GALNT13: variants seen among roughly 807,000 people sequenced by gnomAD.
GALNT13 encodes polypeptide N-acetylgalactosaminyltransferase 13, also known as UDP-GalNAc:polypeptide N-acetylgalactosaminyltransferase 13.
Under a neutral mutation model 64.2 loss-of-function variants are expected in GALNT13, and 28 were observed. That is an observed-to-expected ratio of 0.44 (90% confidence interval 0.32 to 0.60). The LOEUF is 0.60. Among genes scored for constraint, GALNT13 ranks in the 20% least tolerant of loss-of-function variants. The pLI, the probability that GALNT13 is intolerant of heterozygous loss-of-function variation, is 0.05. For synonymous variants in GALNT13, 214 were observed against 224.6 expected (o/e 0.95, Z 0.42); for missense variants, 577 against 669.8 (o/e 0.86, Z 1.53).
chr2:153,339,557 G>A, the GALNT13 span, among the ~76,000 whole-genome samples: 7 of 152,140 alleles, frequency 4.6e-5, no homozygotes, highest in African/African-American at 7.2e-5. Flanking sequence ...CTCCTATTCT[G>A]TAAGTTGTCT....
At chr2:154,126,035 A>C (rs1191016150) in intron 3 of GALNT13, among the ~76,000 whole-genome samples, 1 of 152,198 alleles carries the variant, frequency 6.6e-6, no homozygotes, top group African/African-American at 2.4e-5. Context: ...GTCTGTTAAT[A>C]GCCAAAACAA....
the GALNT13 span, among the ~76,000 whole-genome samples, chr2:153,347,053 C>T: frequency 4.6e-5 from 7 of 152,186 alleles, no homozygotes; most frequent in Admixed American, 2.6e-4. Context: ...GTTGTCATAG[C>T]GGTTTTATTT....
chr2:154,417,516 TATTTA>T (rs1700070494), intron 11 of GALNT13, among the ~76,000 whole-genome samples: 1 of 145,870 alleles, frequency 6.9e-6, no homozygotes. Context: ...TTTATTTATT[TATTTA>T]TTTTTTTGAG....
chr2:154,272,892 T>TA (rs528696030), intron 8 of GALNT13, among the ~76,000 whole-genome samples: 29 of 152,230 alleles, frequency 1.9e-4, no homozygotes, highest in Admixed American at 3.9e-4. Flanking sequence ...AAATAACTTG[T>TA]AAAAAAATAG....
chr2:153,392,364 T>C, the GALNT13 span, among the ~76,000 whole-genome samples: 2 of 151,860 alleles, frequency 1.3e-5, no homozygotes, highest in Admixed American at 1.3e-4. Context: ...AAACAAGTCA[T>C]AGATGCCTTA....
At chr2:153,328,648 C>A in the GALNT13 span, among the ~76,000 whole-genome samples, 1 of 152,078 alleles carries the variant, frequency 6.6e-6, no homozygotes, top group Non-Finnish European at 1.5e-5. Context: ...TGGTGGACGC[C>A]CCTCCCCATA....
chr2:153,552,089 G>A, the GALNT13 span, among the ~76,000 whole-genome samples: 84,685 of 151,964 alleles, frequency 0.56, 26,089 homozygotes, highest in African/African-American at 0.8. Context: ...CATGTTTCTG[G>A]TAGGTTGAGA....
the GALNT13 span, among the ~76,000 whole-genome samples, chr2:153,462,179 A>C: frequency 6.6e-6 from 1 of 152,074 alleles, no homozygotes; most frequent in African/African-American, 2.4e-5. Context: ...TCTGTAATTC[A>C]AAATAACAAA....
chr2:153,253,327 A>G, the GALNT13 span, among the ~76,000 whole-genome samples: 9 of 140,612 alleles, frequency 6.4e-5, no homozygotes, highest in East Asian at 1.2e-3. Flanking sequence ...TTGTATCCTG[A>G]GACTTTGCTG....
chr2:153,726,500 C>T, the GALNT13 span, among the ~76,000 whole-genome samples: 1 of 152,140 alleles, frequency 6.6e-6, no homozygotes, highest in South Asian at 2.1e-4. Context: ...GTACTCCATT[C>T]TAGGTGTTGA....
intron 8 of GALNT13, among the ~76,000 whole-genome samples, chr2:154,285,169 G>GT (rs1481732431): frequency 6.6e-6 from 1 of 152,078 alleles, no homozygotes; most frequent in Non-Finnish European, 1.5e-5. Flanking sequence ...CAGTCCATGA[G>GT]TTGTCTCCTC....
chr2:153,113,429 T>C, the GALNT13 span, among the ~76,000 whole-genome samples: 6 of 152,036 alleles, frequency 3.9e-5, 1 homozygote, highest in African/African-American at 1.5e-4. Flanking sequence ...TGTTAAACTT[T>C]TATAGCTCTA....
At chr2:154,356,011 T>TCAAA (rs1696726097) in intron 9 of GALNT13, among the ~76,000 whole-genome samples, 1 of 152,024 alleles carries the variant, frequency 6.6e-6, no homozygotes, top group African/African-American at 2.4e-5. Context: ...TAAAATGGTT[T>TCAAA]CAAACACCTC....
At chr2:153,768,683 G>A in the GALNT13 span, among the ~76,000 whole-genome samples, 9 of 151,984 alleles carry the variant, frequency 5.9e-5, no homozygotes, top group South Asian at 2.1e-4. Context: ...GCTAACACAC[G>A]GTGAAACCCC....
At chr2:154,234,549 T>C (rs919536349) in intron 4 of GALNT13, among the ~76,000 whole-genome samples, 1 of 152,144 alleles carries the variant, frequency 6.6e-6, no homozygotes, top group South Asian at 2.1e-4. Context: ...TGTGTTACAA[T>C]TGGATGACTT....
intron 2 of GALNT13, among the ~76,000 whole-genome samples, chr2:153,936,917 C>CCA (rs1232819286): frequency 6.6e-6 from 1 of 152,038 alleles, no homozygotes; most frequent in African/African-American, 2.4e-5. Context: ...CGGGGTTTCA[C>CCA]TGTGTTAGCC....
At chr2:153,174,725 T>G in the GALNT13 span, among the ~76,000 whole-genome samples, 2 of 152,186 alleles carry the variant, frequency 1.3e-5, no homozygotes, top group South Asian at 2.1e-4. Flanking sequence ...CTCTGCCACT[T>G]AATAACAAGA....
the GALNT13 span, among the ~76,000 whole-genome samples, chr2:153,296,528 A>G: frequency 1.3e-5 from 2 of 152,180 alleles, no homozygotes; most frequent in Non-Finnish European, 2.9e-5. Flanking sequence ...CAGATTTCTT[A>G]TACTGTTTCC....
chr2:153,455,481 G>T, the GALNT13 span, among the ~76,000 whole-genome samples: 1 of 152,164 alleles, frequency 6.6e-6, no homozygotes, highest in African/African-American at 2.4e-5. Flanking sequence ...GGCTGCTTGG[G>T]TGCCGGCAGG....
Sources: allele counts gnomAD v4.1 joint callset (sites outside exome capture counted in the v4.1 genomes callset), GRCh38; gene constraint gnomAD v4.1.1; transcripts MANE v1.5; gene names NCBI Gene and HGNC (gene_info 2026-07-23, HGNC 2026-07-21).